The following CHN2 variants were observed in gnomAD, a reference collection of about 807,000 sequenced individuals.
CHN2 encodes the protein beta-chimaerin.
CHN2 carries 35 observed loss-of-function variants against 56.3 expected under a neutral mutation model. That is an observed-to-expected ratio of 0.62 (90% CI 0.47 to 0.82). The LOEUF (loss-of-function observed/expected upper bound fraction) is 0.82, where lower values mean the gene tolerates loss of function less well. CHN2 is among the 40% of genes least tolerant of loss of function. The pLI is 0.00. For synonymous variants in CHN2, 210 were observed against 212.8 expected (o/e 0.99, Z 0.12); for missense variants, 491 against 580.5 (o/e 0.85, Z 1.58).
intron 6 of CHN2, among the ~76,000 whole-genome samples, chr7:29,435,255 C>T (rs1247186302): frequency 6.6e-6 from 1 of 152,208 alleles, no homozygotes; most frequent in Non-Finnish European, 1.5e-5. Flanking sequence ...AGAGTGATTT[C>T]CAAAGCTTGG....
intron 1 of CHN2, among the ~76,000 whole-genome samples, chr7:29,250,105 A>C (rs1403458871): frequency 6.6e-6 from 1 of 152,208 alleles, no homozygotes; most frequent in East Asian, 1.9e-4. Flanking sequence ...TCTGTTCACT[A>C]CCAGAGACAT....
chr7:29,493,849 AAC>A (rs1411367141), intron 7 of CHN2, among the ~76,000 whole-genome samples: 5 of 152,204 alleles, frequency 3.3e-5, no homozygotes, highest in Non-Finnish European at 7.3e-5. Context: ...ATTCATTTTC[AAC>A]ACAGTTGTCA....
chr7:29,301,267 T>A (rs536528744), intron 1 of CHN2, among the ~76,000 whole-genome samples: 5 of 152,146 alleles, frequency 3.3e-5, no homozygotes, highest in African/African-American at 1.2e-4. Flanking sequence ...TAGCAGTTCC[T>A]ACTTTCTTCT....
At chr7:29,458,021 C>A (rs1294766741) in intron 6 of CHN2, among the ~76,000 whole-genome samples, 2 of 152,182 alleles carry the variant, frequency 1.3e-5, no homozygotes, top group Non-Finnish European at 2.9e-5. Flanking sequence ...TTCAATTCCC[C>A]ACTCTTTTTA....
chr7:29,232,647 G>A (rs1244702013), intron 1 of CHN2, among the ~76,000 whole-genome samples: 1 of 147,642 alleles, frequency 6.8e-6, no homozygotes, highest in East Asian at 2.0e-4. Context: ...GAATAGCGGT[G>A]CGTCTTTTTC....
At position 29,482,223 on chromosome 7, in the gene CHN2, CA is replaced by C. The variant is rs565533587; in HGVS notation, c.654+1869del. ...AGAGAAGCTGTTCAAGAGGAGTACA[CA>C]AGCCAGACAGGAGCGTTTCTCTTCC... On this transcript the variant is annotated intron_variant, in intron 7 of 12. Coordinates refer to ENST00000222792, the MANE Select transcript of CHN2 (RefSeq NM_004067.4). 6.6e-5 allele frequency among the ~76,000 whole-genome samples: 10 copies of C among 152,322 alleles called. No individual in the cohort carries two copies. In the South Asian group the frequency reaches 2.1e-3, roughly 32 times the overall value.
chr7:29,267,342 A>G (rs1790236158), intron 1 of CHN2, among the ~76,000 whole-genome samples: 1 of 151,618 alleles, frequency 6.6e-6, no homozygotes, highest in Non-Finnish European at 1.5e-5. Flanking sequence ...TCCTGGGTTC[A>G]AGTGTTTCTC....
chr7:29,423,474 G>A (rs1585342294), intron 6 of CHN2, among the ~76,000 whole-genome samples: 2 of 152,164 alleles, frequency 1.3e-5, no homozygotes, highest in African/African-American at 2.4e-5. Context: ...GGTCAGCTGG[G>A]GTTTTTGTTG....
chr7:29,306,223 T>C lies in CHN2; in HGVS notation c.50-48402T>C, dbSNP rs575272992. Among the ~76,000 whole-genome samples, 47 of 152,332 alleles carry C rather than the reference T, an allele frequency of 3.1e-4. 1 individual carries two copies. The South Asian group carries it at 8.7e-3, about 28-fold the overall frequency. ...AAATCTTTGGTCCCTAAACTGGTGG[T>C]GTCTTAAGAAGCAGACTTGAAAGCA... On this transcript the variant is annotated intron_variant, in intron 1 of 12. Coordinates refer to ENST00000222792, the MANE Select transcript of CHN2 (RefSeq NM_004067.4).
At chr7:29,220,221 G>A (rs1169828745) in intron 1 of CHN2, among the ~76,000 whole-genome samples, 4 of 149,660 alleles carry the variant, frequency 2.7e-5, no homozygotes, top group Non-Finnish European at 1.5e-5. Flanking sequence ...AGTGAGCCAA[G>A]ATCATGCCAC....
chr7:29,423,755 T>C (rs1197678161), intron 6 of CHN2, among the ~76,000 whole-genome samples: 2 of 152,200 alleles, frequency 1.3e-5, no homozygotes, highest in African/African-American at 4.8e-5. Context: ...TCTCCCCACT[T>C]CCCCCTGGGC....
At chr7:29,454,491 T>C (rs937293922) in intron 6 of CHN2, among the ~76,000 whole-genome samples, 10 of 152,228 alleles carry the variant, frequency 6.6e-5, no homozygotes, top group African/African-American at 2.4e-4. Flanking sequence ...CATCTCATTT[T>C]AGCCAACTAA....
At chr7:29,266,366 C>G (rs1353737447) in intron 1 of CHN2, among the ~76,000 whole-genome samples, 2 of 152,190 alleles carry the variant, frequency 1.3e-5, no homozygotes, top group African/African-American at 4.8e-5. Context: ...GATGGTATTA[C>G]CTTCTAATAG....
At chr7:29,327,726 C>T (rs1455899617) in intron 1 of CHN2, among the ~76,000 whole-genome samples, 1 of 152,116 alleles carries the variant, frequency 6.6e-6, no homozygotes, top group African/African-American at 2.4e-5. Context: ...CCTAGAGCGC[C>T]GTATAAATGC....
chr7:29,510,723 G>C (rs561061400), intron 12 of CHN2, among the ~76,000 whole-genome samples: 1 of 152,262 alleles, frequency 6.6e-6, no homozygotes, highest in South Asian at 2.1e-4. Flanking sequence ...ACATCCTATT[G>C]CTTTTACCGT....
At chr7:29,471,384 G>A (rs1191711534) in intron 6 of CHN2, among the ~76,000 whole-genome samples, 1 of 152,188 alleles carries the variant, frequency 6.6e-6, no homozygotes, top group Non-Finnish European at 1.5e-5. Flanking sequence ...TCAGAAATTA[G>A]CCACAATTTT....
intron 2 of CHN2, among the ~76,000 whole-genome samples, chr7:29,359,831 T>A (rs1164729272): frequency 6.6e-6 from 1 of 152,186 alleles, no homozygotes; most frequent in Non-Finnish European, 1.5e-5. Flanking sequence ...CCAATCACCA[T>A]GGTTATGCTC....
At position 29,176,696 on chromosome 7, in the gene CHN2, A is replaced by G. The variant is rs369433223; in HGVS notation, c.274+29736A>G. 4.6e-5 allele frequency among the ~76,000 whole-genome samples: 7 copies of G among 152,302 alleles called. No individual in the cohort carries two copies. The South Asian group carries it at 6.2e-4, about 14-fold the overall frequency. ...AGAATTTTGAGCCAAGAAAATGGGA[A>G]ACTTCTGTTTAAACCTAAATTAACG... On this transcript the variant is annotated intron_variant, in intron 2 of 6. Transcript: ENST00000439384.
intron 6 of CHN2, among the ~76,000 whole-genome samples, chr7:29,414,713 C>T (rs1391343202): frequency 6.6e-6 from 1 of 152,206 alleles, no homozygotes; most frequent in East Asian, 1.9e-4. Context: ...GCTGCTCCCT[C>T]TCCCTAGCTG....
Sources: gnomAD v4.1 joint callset for allele counts (sites outside exome capture counted in the v4.1 genomes callset) on GRCh38, gnomAD v4.1.1 for gene constraint, MANE v1.5 for transcripts, NCBI Gene and HGNC (gene_info 2026-07-23, HGNC 2026-07-21) for gene names.